ZBTB7C: variants seen among roughly 807,000 people sequenced by gnomAD.
ZBTB7C encodes zinc finger and BTB domain-containing protein 7C.
In ZBTB7C, 8 loss-of-function variants were observed where a neutral mutation model predicts 25.7. That is an observed-to-expected ratio of 0.31 (90% CI 0.18 to 0.56). The LOEUF (loss-of-function observed/expected upper bound fraction) is 0.56, where lower values mean the gene tolerates loss of function less well. Ranked by LOEUF, ZBTB7C falls within the 20% of genes least tolerant of loss-of-function variation. ZBTB7C has a pLI of 0.91. For synonymous variants in ZBTB7C, 394 were observed against 369.0 expected, an observed-to-expected ratio of 1.07 and a Z score of -0.78; for missense variants, 824 against 855.2, an observed-to-expected ratio of 0.96 and a Z score of 0.46.
intron 1 of ZBTB7C, among the ~76,000 whole-genome samples, chr18:48,389,632 G>A (rs1599022419): frequency 1.3e-5 from 2 of 151,968 alleles, no homozygotes; most frequent in South Asian, 4.2e-4. Context: ...CTCCATCCAG[G>A]CCACCCTAAG....
chr18:48,068,089 C>A (rs1411333807), intron 3 of ZBTB7C, among the ~76,000 whole-genome samples: 1 of 151,780 alleles, frequency 6.6e-6, no homozygotes, highest in African/African-American at 2.4e-5. Flanking sequence ...CTGACTAATA[C>A]GACTTGGTTA....
intron 3 of ZBTB7C, among the ~76,000 whole-genome samples, chr18:48,157,159 AC>A (rs1355001971): frequency 6.6e-6 from 1 of 152,206 alleles, no homozygotes; most frequent in African/African-American, 2.4e-5. Flanking sequence ...TTTGCCTATA[AC>A]CTGGGGGTAC....
At chr18:48,262,149 T>G (rs570062857) in intron 2 of ZBTB7C, among the ~76,000 whole-genome samples, 256 of 152,324 alleles carry the variant, frequency 1.7e-3, no homozygotes, top group African/African-American at 5.9e-3. Flanking sequence ...ACTGTCTCAT[T>G]GTACAGCTGG....
chr18:48,272,717 G>A (rs77902176), intron 2 of ZBTB7C, among the ~76,000 whole-genome samples: 1 of 152,072 alleles, frequency 6.6e-6, no homozygotes, highest in African/African-American at 2.4e-5. Flanking sequence ...GTTCATAGCA[G>A]CATTCTTGAT....
At chr18:48,398,974 C>G (rs1052322925) in intron 1 of ZBTB7C, among the ~76,000 whole-genome samples, 2 of 152,136 alleles carry the variant, frequency 1.3e-5, no homozygotes, top group African/African-American at 4.8e-5. Flanking sequence ...TCAAGGATCC[C>G]TTTCATACAA....
intron 2 of ZBTB7C, among the ~76,000 whole-genome samples, chr18:48,290,096 A>T (rs2045177426): frequency 6.6e-6 from 1 of 152,216 alleles, no homozygotes; most frequent in South Asian, 2.1e-4. Flanking sequence ...ACTTTCAAAG[A>T]GATAATTAAT....
intron 3 of ZBTB7C, among the ~76,000 whole-genome samples, chr18:48,063,421 C>T (rs1373951260): frequency 6.6e-6 from 1 of 152,214 alleles, no homozygotes; most frequent in Non-Finnish European, 1.5e-5. Flanking sequence ...TGTGAGGGGG[C>T]AGCCCTCTGC....
At chr18:48,243,555 C>T (rs2043591919) in intron 2 of ZBTB7C, among the ~76,000 whole-genome samples, 1 of 152,142 alleles carries the variant, frequency 6.6e-6, no homozygotes, top group Admixed American at 6.5e-5. Flanking sequence ...ACATCCCATA[C>T]TCATGGATGG....
rs546983025 is a variant in ZBTB7C at position 48,340,805 on chromosome 18, T to C, written c.-303-2407A>G. Among the ~76,000 whole-genome samples the C allele has an allele frequency of 7.3e-4, 111 of 152,230 alleles. 1 individual carries two copies. Among genetic ancestry groups the C allele is most frequent in the African/African-American group, 2.6e-3 (110 of 41,532 alleles). On this transcript the variant is annotated intron_variant, in intron 1 of 4. Coordinates refer to ENST00000590800, the MANE Select transcript of ZBTB7C (RefSeq NM_001318841.2). ...AAACAATTAACCCTCAAAGAAAAAC[T>C]GCACCGTCCACTCCCAACCATATGA...
At chr18:48,116,416 T>C (rs1435187545) in intron 3 of ZBTB7C, among the ~76,000 whole-genome samples, 1 of 152,254 alleles carries the variant, frequency 6.6e-6, no homozygotes, top group African/African-American at 2.4e-5. Context: ...TCCCAGGACC[T>C]ACCAGCGATG....
rs2144491794 is a variant in ZBTB7C, at chr18:48,257,724, C to T, written c.-78-71729G>A. 1.3e-5 allele frequency among the ~76,000 whole-genome samples: 2 copies of T among 151,782 alleles called. 1 individual carries two copies. Among genetic ancestry groups the T allele is most frequent in the South Asian group, 4.2e-4 (2 of 4,788 alleles). On this transcript the variant is annotated intron_variant, in intron 2 of 4. Coordinates refer to ENST00000590800, the MANE Select transcript of ZBTB7C (RefSeq NM_001318841.2). ...AATATCAGGACTAAGTGGTATTTAT[C>T]TCAGGACTGAAAGGTTGGTTTAACA...
chr18:48,125,183 T>C (rs967008761), intron 3 of ZBTB7C, among the ~76,000 whole-genome samples: 1 of 152,206 alleles, frequency 6.6e-6, no homozygotes, highest in Non-Finnish European at 1.5e-5. Context: ...ACTGAACAGA[T>C]AAACAACCTG....
chr18:48,059,558 C>A (rs1394765647), intron 3 of ZBTB7C, among the ~76,000 whole-genome samples: 1 of 152,198 alleles, frequency 6.6e-6, no homozygotes, highest in African/African-American at 2.4e-5. Flanking sequence ...TGCCAGTGGT[C>A]TCCTGGAGGG....
chr18:48,298,279 C>CAAAA (rs35832838), intron 2 of ZBTB7C, among the ~76,000 whole-genome samples: 3 of 121,072 alleles, frequency 2.5e-5, no homozygotes, highest in Non-Finnish European at 3.5e-5. Flanking sequence ...GACTCTGTCT[C>CAAAA]AAAAAAAAAA....
At chr18:48,225,878 G>A (rs568006517) in intron 2 of ZBTB7C, among the ~76,000 whole-genome samples, 2 of 152,286 alleles carry the variant, frequency 1.3e-5, no homozygotes, top group South Asian at 4.1e-4. Flanking sequence ...GAGTAGCTGG[G>A]ACTACAGGCA....
At chr18:48,084,569 C>T (rs78739782) in intron 3 of ZBTB7C, among the ~76,000 whole-genome samples, 115 of 152,242 alleles carry the variant, frequency 7.6e-4, no homozygotes, top group Non-Finnish European at 1.4e-3. Context: ...CTGTGAGCCA[C>T]GGAGGAGTGA....
At chr18:48,051,908 A>T (rs190077918) in intron 3 of ZBTB7C, among the ~76,000 whole-genome samples, 2 of 151,576 alleles carry the variant, frequency 1.3e-5, no homozygotes, top group East Asian at 3.9e-4. Context: ...TTATTTTTTC[A>T]TCCTTTATTT....
At chr18:48,385,229 C>T (rs930787438) in intron 1 of ZBTB7C, among the ~76,000 whole-genome samples, 4 of 152,114 alleles carry the variant, frequency 2.6e-5, no homozygotes, top group Non-Finnish European at 5.9e-5. Flanking sequence ...TACCTTATTC[C>T]GTCTTTACTA....
At chr18:48,319,112 C>CTGTGTGTGTGTGTGTGTG (rs143825394) in intron 2 of ZBTB7C, among the ~76,000 whole-genome samples, 303 of 147,454 alleles carry the variant, frequency 2.1e-3, no homozygotes, top group South Asian at 4.5e-3. Flanking sequence ...CAGAATGCCT[C>CTGTGTGTGTGTGTGTGTG]TGTGTGTGTG....
Sources: gnomAD v4.1 joint callset for allele counts (sites outside exome capture counted in the v4.1 genomes callset) on GRCh38, gnomAD v4.1.1 for gene constraint, MANE v1.5 for transcripts, NCBI Gene and HGNC (gene_info 2026-07-23, HGNC 2026-07-21) for gene names.